Variants in CALCRL observed in about 807,000 individuals in gnomAD.
CALCRL encodes the protein calcitonin gene-related peptide type 1 receptor.
A neutral mutation model predicts 60.4 loss-of-function variants in CALCRL; 27 were observed. The observed-to-expected ratio is 0.45, with a 90% confidence interval of 0.33 to 0.62. CALCRL has a LOEUF of 0.62. CALCRL is among the 20% of genes least tolerant of loss of function. The pLI is 0.03. For synonymous variants in CALCRL, 190 were observed against 182.6 expected (o/e 1.04, Z -0.33); for missense variants, 424 against 540.7 (o/e 0.78, Z 2.14).
At chr2:187,445,513 A>T (rs1691135598) in intron 1 of CALCRL, among the ~76,000 whole-genome samples, 1 of 151,548 alleles carries the variant, frequency 6.6e-6, no homozygotes, top group African/African-American at 2.4e-5. Context: ...TTTTAAAATT[A>T]AGTTACTATC....
chr2:187,384,477 C>T (rs910535189), intron 4 of CALCRL, among the ~76,000 whole-genome samples: 3 of 152,152 alleles, frequency 2.0e-5, no homozygotes, highest in African/African-American at 7.2e-5. Context: ...TAATCAGTTG[C>T]TAATCTGTTA....
chr2:187,383,188 TG>T lies in CALCRL; in HGVS notation c.168del (p.Ile57PhefsTer79). 6.2e-7 allele frequency: 1 copy of T among 1,609,298 alleles called. No homozygotes were observed. The highest frequency in any genetic ancestry group is 1.1e-5 in the South Asian group (1 of 89,738). On this transcript the variant is annotated frameshift_variant, in exon 5 of 15. Transcript: ENST00000392370. LOFTEE classifies it high-confidence loss of function. ...YECYQKIMQD[P>X]IQQAEGVYCN... is the part of the protein sequence containing the mutation. ...CCATGCTTACCTTCTGCTTGTTGAA[TG>T]GGGTCTTGCATAATCTTTTGGTAAC...
intron 1 of CALCRL, among the ~76,000 whole-genome samples, chr2:187,400,656 A>C (rs1303448849): frequency 1.3e-5 from 2 of 151,562 alleles, no homozygotes; most frequent in Non-Finnish European, 3.0e-5. Context: ...ATGGATAAAC[A>C]AAATATGATA....
At chr2:187,362,655 TA>T (rs2105732925) in intron 9 of CALCRL, among the ~76,000 whole-genome samples, 1 of 152,220 alleles carries the variant, frequency 6.6e-6, no homozygotes, top group Middle Eastern at 3.4e-3. Flanking sequence ...AATGTATGTT[TA>T]TGTATGCAGA....
chr2:187,423,361 G>GT (rs1689969159), intron 1 of CALCRL, among the ~76,000 whole-genome samples: 1 of 148,100 alleles, frequency 6.8e-6, no homozygotes, highest in Non-Finnish European at 1.5e-5. Flanking sequence ...ATGTATGTAT[G>GT]GTTTTTTTTT....
chr2:187,397,772 G>A lies in CALCRL; in HGVS notation c.-292-10016C>T, dbSNP rs72902479. Among the ~76,000 whole-genome samples the A allele has an allele frequency of 9.5e-3, 1,444 of 151,472 alleles. 15 individuals carry two copies. Among genetic ancestry groups the A allele is most frequent in the Admixed American group, 0.018 (266 of 15,144 alleles). ...TTTGTGTGTACATTGTTTAGCTCCC[G>A]CTTATAAGTCAGAACATACAGTATT... On this transcript the variant is annotated intron_variant, in intron 1 of 14. Coordinates refer to ENST00000392370, the MANE Select transcript of CALCRL (RefSeq NM_005795.6).
intron 1 of CALCRL, among the ~76,000 whole-genome samples, chr2:187,430,982 A>C (rs1380222266): frequency 6.6e-6 from 1 of 152,078 alleles, no homozygotes; most frequent in African/African-American, 2.4e-5. Flanking sequence ...AATATTAATA[A>C]ATCTAATAGG....
chr2:187,401,932 AAATC>A (rs1333210474), intron 1 of CALCRL, among the ~76,000 whole-genome samples: 8 of 151,420 alleles, frequency 5.3e-5, no homozygotes, highest in Non-Finnish European at 1.2e-4. Context: ...TGGAAAAAAG[AAATC>A]AAGGAAAGAA....
At chr2:187,361,361 G>T (rs1465620752) in intron 9 of CALCRL, among the ~76,000 whole-genome samples, 2 of 151,728 alleles carry the variant, frequency 1.3e-5, no homozygotes, top group East Asian at 1.9e-4. Context: ...TTTTAAACAG[G>T]CAGGAAGAGA....
chr2:187,422,539 G>A (rs983034640), intron 1 of CALCRL, among the ~76,000 whole-genome samples: 2 of 152,088 alleles, frequency 1.3e-5, no homozygotes, highest in Admixed American at 6.6e-5. Flanking sequence ...TTGCTTTGGG[G>A]CATTGTGCAA....
At chr2:187,356,138 A>G (rs112964251) in intron 12 of CALCRL, among the ~76,000 whole-genome samples, 12,603 of 152,210 alleles carry the variant, frequency 0.083, 653 homozygotes, top group South Asian at 0.17. Context: ...TCACAGAATT[A>G]GGAAAAACTA....
intron 1 of CALCRL, among the ~76,000 whole-genome samples, chr2:187,408,835 C>T (rs1463036352): frequency 6.6e-6 from 1 of 151,846 alleles, no homozygotes; most frequent in Non-Finnish European, 1.5e-5. Flanking sequence ...TTTATAAATG[C>T]AGTTTTTTAA....
intron 1 of CALCRL, among the ~76,000 whole-genome samples, chr2:187,419,013 C>T (rs529880376): frequency 2.1e-5 from 3 of 143,280 alleles, no homozygotes; most frequent in East Asian, 2.1e-4. Context: ...CGCACCACCA[C>T]GTCTGGCTAA....
intron 14 of CALCRL, among the ~76,000 whole-genome samples, chr2:187,347,223 A>G (rs1301179978): frequency 6.6e-6 from 1 of 151,816 alleles, no homozygotes; most frequent in Admixed American, 6.6e-5. Context: ...GGCACAAATG[A>G]GAACATTTAA....
intron 10 of CALCRL, 68 bp downstream of exon 10, chr2:187,360,530 A>G (rs749606635): frequency 2.4e-4 from 332 of 1,356,170 alleles, no homozygotes; most frequent in Non-Finnish European, 3.3e-4. Flanking sequence ...CATATTACAA[A>G]GGAACCTGGC....
intron 8 of CALCRL, among the ~76,000 whole-genome samples, chr2:187,369,643 C>G (rs1027996361): frequency 1.5e-4 from 23 of 152,090 alleles, no homozygotes; most frequent in African/African-American, 5.1e-4. Flanking sequence ...ACTGGGGAAA[C>G]AGTTGTGAAT....
chr2:187,388,957 C>A (rs1353181294), intron 1 of CALCRL, among the ~76,000 whole-genome samples: 1 of 151,876 alleles, frequency 6.6e-6, no homozygotes, highest in African/African-American at 2.4e-5. Flanking sequence ...AGATTCAATA[C>A]TAAATAAATG....
chr2:187,416,764 T>C (rs1419962667), intron 1 of CALCRL, among the ~76,000 whole-genome samples: 1 of 152,130 alleles, frequency 6.6e-6, no homozygotes, highest in African/African-American at 2.4e-5. Flanking sequence ...TGTAATTCAA[T>C]GTATATGTTT....
chr2:187,392,368 T>G (rs911264788), intron 1 of CALCRL, among the ~76,000 whole-genome samples: 1 of 152,162 alleles, frequency 6.6e-6, no homozygotes, highest in Non-Finnish European at 1.5e-5. Context: ...CATACTTAAT[T>G]TGCCATAAGG....
Sources: gnomAD v4.1 joint callset for allele counts (sites outside exome capture counted in the v4.1 genomes callset) on GRCh38, gnomAD v4.1.1 for gene constraint, MANE v1.5 for transcripts, NCBI Gene and HGNC (gene_info 2026-07-23, HGNC 2026-07-21) for gene names.